Variants in PLRG1 observed in about 807,000 individuals in gnomAD.
The protein encoded by PLRG1 is pleiotropic regulator 1.
A neutral mutation model predicts 74.9 loss-of-function variants in PLRG1; 28 were observed. The ratio of observed to expected loss-of-function variants is 0.37; its 90% CI spans 0.28 to 0.51. The LOEUF (loss-of-function observed/expected upper bound fraction) is 0.51. Ranked by LOEUF, PLRG1 falls within the 20% of genes least tolerant of loss-of-function variation. PLRG1 has a pLI of 0.91. For missense variants in PLRG1, 445 were observed against 631.9 expected, an observed-to-expected ratio of 0.70 and a Z score of 3.17; for synonymous variants, 197 against 212.4, an observed-to-expected ratio of 0.93 and a Z score of 0.63.
chr4:154,544,859 T>C (rs1729620374), intron 6 of PLRG1, among the ~76,000 whole-genome samples: 1 of 152,204 alleles, frequency 6.6e-6, no homozygotes, highest in Non-Finnish European at 1.5e-5. Context: ...ATAGTGCCTA[T>C]TTCATAGGGT....
intron 5 of PLRG1, 62 bp downstream of exon 5, chr4:154,546,061 A>G: frequency 8.3e-7 from 1 of 1,200,960 alleles, no homozygotes; most frequent in East Asian, 2.4e-5. Flanking sequence ...GAAATTTTAA[A>G]AAGAAAAAAT....
Position 154,537,358 on chromosome 4 carries a change from A to G in PLRG1, c.1413T>C (p.Asp471=), listed in dbSNP as rs376129596. The G allele has an allele frequency of 1.2e-6, 2 of 1,613,376 alleles. No individual in the cohort carries two copies. Among genetic ancestry groups the G allele is most frequent in the Non-Finnish European group, 1.7e-6 (2 of 1,179,498 alleles). Residue 471 remains aspartate (D), a synonymous_variant, in exon 14 of 15, where the codon GAT becomes GAC. Transcript: ENST00000499023. The part of the protein sequence containing the change: ...SESGIFACAF[D]QSESRLLTAE... Reference sequence around the variant, plus strand: ...CTGTTAGTAATCGACTTTCAGACTGATCAAAAGCACAAGCAAATATTCCTG... The same window carrying G: ...CTGTTAGTAATCGACTTTCAGACTGGTCAAAAGCACAAGCAAATATTCCTG...
In PLRG1 at chr4:154,548,927, C is replaced by T; in HGVS notation, c.18G>A (p.Gln6=). 1 of 1,565,448 alleles carries T rather than the reference C, an allele frequency of 6.4e-7. No homozygotes were observed. The highest frequency in any genetic ancestry group is 2.2e-5 in the East Asian group (1 of 44,608). MVEEV[Q]KHSVHTLVFR... ...ACACAAGGGTGTGTACAGAATGTTTCTGTACCTCCTAAAAAAAAAGAATGT... is the reference window on the plus strand; with the variant it reads ...ACACAAGGGTGTGTACAGAATGTTTTTGTACCTCCTAAAAAAAAAGAATGT... Residue 6 remains glutamine, a synonymous_variant, in exon 2 of 15, where the codon CAG becomes CAA. Transcript: ENST00000499023.
intron 1 of PLRG1, chr4:154,549,224 A>T (rs576788218): frequency 7.6e-6 from 3 of 396,798 alleles, no homozygotes; most frequent in African/African-American, 4.2e-5. Flanking sequence ...GAATCTCACA[A>T]TAGAATGATA....
Position 154,547,073 on chromosome 4 carries a change from A to G in PLRG1, c.260-9T>C. ...GTATTCAACTTCTTGTCCTAAAAAA[A>G]CACAAAAAAAATCAACAGTAGTGAA... On this transcript the variant is annotated splice_polypyrimidine_tract_variant and intron_variant, in intron 3 of 14. Transcript: ENST00000499023. 6.2e-7 allele frequency: 1 copy of G among 1,607,514 alleles called. No homozygotes were observed. The highest frequency in any genetic ancestry group is 8.5e-7 in the Non-Finnish European group (1 of 1,174,038).
chr4:154,544,618 G>A, intron 6 of PLRG1, 72 bp from the exon 7 acceptor site: 8 of 785,506 alleles, frequency 1.0e-5, no homozygotes, highest in South Asian at 1.7e-5. Context: ...ATTCAGAAAT[G>A]GAAATGGAAA....
Position 154,540,872 on chromosome 4 carries a change from C to T in PLRG1, c.750G>A (p.Arg250=). The T allele has an allele frequency of 6.2e-7, 1 of 1,612,978 alleles. No individual in the cohort carries two copies. The highest frequency in any genetic ancestry group is 2.2e-5 in the East Asian group (1 of 44,888). The change falls in exon 9 of 15, where the codon CGG becomes CGA. Residue 250 remains arginine, a synonymous_variant. Coordinates refer to ENST00000499023, the MANE Select transcript of PLRG1 (RefSeq NM_002669.4). The part of the protein sequence containing the change: ...LSLTGHISTV[R]GVIVSTRSPY... ...GGCTCCTTGTGCTTACTATCACGCC[C>T]CGCACAGTACTAATATGCCCAGTCA... is the stretch of plus-strand genomic sequence containing the variant.
intron 7 of PLRG1, among the ~76,000 whole-genome samples, chr4:154,543,551 GA>G (rs944918878): frequency 5.3e-5 from 8 of 151,620 alleles, no homozygotes; most frequent in African/African-American, 1.7e-4. Context: ...TGAAATTATT[GA>G]AAAAAAATAA....
chr4:154,536,157 T>C lies in PLRG1; in HGVS notation c.*528A>G, dbSNP rs534585915. 1.3e-5 allele frequency: 2 copies of C among 153,606 alleles called. No homozygotes were observed. Among genetic ancestry groups the C allele is most frequent in the South Asian group, 4.1e-4 (2 of 4,872 alleles). The allele number at this position is 153,606 out of a possible 1,614,324, so 9.5% of individuals were successfully genotyped here. A position where few individuals can be genotyped will look rare whatever the true frequency, so the allele number is the denominator to read the frequency against. ...TACTAAGCTACCAAACTGGAAGTCT[T>C]AGAGGATAGACACATCTTACTTGTC... On this transcript the variant is annotated 3_prime_UTR_variant, in exon 15 of 15. Coordinates refer to ENST00000499023, the MANE Select transcript of PLRG1 (RefSeq NM_002669.4).
intron 13 of PLRG1, among the ~76,000 whole-genome samples, chr4:154,537,752 T>C (rs1262466850): frequency 6.6e-6 from 1 of 152,068 alleles, no homozygotes; most frequent in Non-Finnish European, 1.5e-5. Flanking sequence ...TCCCTGAGAT[T>C]CATTAGATGG....
rs991703304 is a variant in PLRG1, at chr4:154,539,375, A to G, written c.1043-162T>C. ...AATTTCTTCATAGTTCCAAATTTTT[A>G]GGTTGATTTTAATTCTTTAAAAAAA... On this transcript the variant is annotated intron_variant, in intron 11 of 14. Transcript: ENST00000499023. Among the ~76,000 whole-genome samples the G allele has an allele frequency of 2.0e-5, 3 of 152,164 alleles. No homozygotes were observed. The East Asian group carries it at 5.8e-4, about 29-fold the overall frequency.
At chr4:154,544,362 T>C in intron 7 of PLRG1, 83 bp downstream of exon 7, 1 of 816,532 alleles carries the variant, frequency 1.2e-6, no homozygotes, top group South Asian at 1.5e-5. Context: ...TTCACTCTTT[T>C]TCCTCCTTAT....
rs368848782 is a variant in PLRG1 at position 154,542,295 on chromosome 4, T to C, written c.595-16A>G. 6.5e-6 allele frequency: 10 copies of C among 1,539,128 alleles called. No homozygotes were observed. The African/African-American group carries it at 1.4e-4, about 21-fold the overall frequency. On this transcript the variant is annotated splice_polypyrimidine_tract_variant and intron_variant, in intron 7 of 14. Coordinates refer to ENST00000499023, the MANE Select transcript of PLRG1 (RefSeq NM_002669.4). ...CACTGATAACCTGTATAAAACAAAG[T>C]AGAATGGGCAGGCCAACGTAGAAGT... is the stretch of plus-strand genomic sequence containing the variant.
intron 1 of PLRG1, 131 bp downstream of exon 1, chr4:154,550,169 G>A: frequency 1.1e-6 from 1 of 870,848 alleles, no homozygotes; most frequent in Non-Finnish European, 1.9e-6. Flanking sequence ...AGACCACTCG[G>A]CCTTGGCCAA....
At chr4:154,550,183 G>C in intron 1 of PLRG1, 117 bp downstream of exon 1, 1 of 980,732 alleles carries the variant, frequency 1.0e-6, no homozygotes, top group African/African-American at 1.6e-5. Context: ...TGGCCAAATA[G>C]CTCCCCTCGT....
intron 6 of PLRG1, among the ~76,000 whole-genome samples, chr4:154,544,841 T>C (rs894353606): frequency 1.3e-5 from 2 of 152,142 alleles, no homozygotes; most frequent in Non-Finnish European, 2.9e-5. Flanking sequence ...ACCTGTAAAA[T>C]GGGAAGAATA....
In PLRG1 at chr4:154,535,187, CACA is replaced by C. The variant is rs1388452207; in HGVS notation, c.*1495_*1497del. ...ATCAAGTTGTCCACAAAAATGCTTG[CACA>C]ACTTTTTTTTTTACCCAAGTTTAGA... On this transcript the variant is annotated 3_prime_UTR_variant, in exon 15 of 15. Transcript: ENST00000499023. 6.6e-6 allele frequency: 1 copy of C among 151,348 alleles called. No homozygotes were observed. Among genetic ancestry groups the C allele is most frequent in the African/African-American group, 2.4e-5 (1 of 40,830 alleles). The allele number at this position is 151,348 out of a possible 1,614,324, so 9.4% of individuals were successfully genotyped here. A position where few individuals can be genotyped will look rare whatever the true frequency, so the allele number is the denominator to read the frequency against.
Position 154,540,951 on chromosome 4 carries a change from T to C in PLRG1, c.688-17A>G, listed in dbSNP as rs759289613. The C allele has an allele frequency of 1.3e-5, 20 of 1,565,718 alleles. No individual in the cohort carries two copies. The highest frequency in any genetic ancestry group is 1.2e-4 in the South Asian group (10 of 80,250). On this transcript the variant is annotated splice_polypyrimidine_tract_variant and intron_variant, in intron 8 of 14. Transcript: ENST00000499023. ...GTCCCAGATCTGCAATCAAAGAATA[T>C]TTATTTTTTTCTTTCACTGGTTACT...
chr4:154,536,840 T>G (rs1003680905), intron 14 of PLRG1, 96 bp from the exon 15 acceptor site: 6 of 685,048 alleles, frequency 8.8e-6, no homozygotes, highest in Non-Finnish European at 1.5e-5. Flanking sequence ...CTAACATTAT[T>G]CATTGGCTTT....
Sources: gnomAD v4.1 joint callset for allele counts (sites outside exome capture counted in the v4.1 genomes callset) on GRCh38, gnomAD v4.1.1 for gene constraint, MANE v1.5 for transcripts, NCBI Gene and HGNC (gene_info 2026-07-23, HGNC 2026-07-21) for gene names.